The following NAT1 variants were observed in gnomAD, a reference collection of about 807,000 sequenced individuals.
The protein encoded by NAT1 is arylamine N-acetyltransferase 1.
For synonymous variants in NAT1, 144 were observed against 122.6 expected (o/e 1.17, Z -1.16); for missense variants, 400 against 339.2 (o/e 1.18, Z -1.41).
chr8:18,175,548 T>C (rs1002041910), intron 2 of NAT1, among the ~76,000 whole-genome samples: 2 of 152,148 alleles, frequency 1.3e-5, no homozygotes, highest in Non-Finnish European at 2.9e-5. Flanking sequence ...CAAAAGTTCC[T>C]TCTTTTTCAA....
chr8:18,187,565 C>A (rs35495327), intron 2 of NAT1, among the ~76,000 whole-genome samples: 43,774 of 151,908 alleles, frequency 0.29, 6,761 homozygotes, highest in South Asian at 0.39. Flanking sequence ...AACGTGGATG[C>A]AACTGGAGAC....
intron 1 of NAT1, among the ~76,000 whole-genome samples, chr8:18,213,950 A>T (rs1804368421): frequency 6.6e-6 from 1 of 151,668 alleles, no homozygotes; most frequent in South Asian, 2.1e-4. Flanking sequence ...AGTAGCTGGG[A>T]CTACAGGCAC....
chr8:18,193,553 G>T (rs1312022960), intron 2 of NAT1, among the ~76,000 whole-genome samples: 1 of 144,226 alleles, frequency 6.9e-6, no homozygotes, highest in South Asian at 2.2e-4. Context: ...ACAGAACCAG[G>T]TCCTTAAAGA....
chr8:18,211,179 T>A (rs891145179), intron 1 of NAT1: 1 of 151,998 alleles, frequency 6.6e-6, no homozygotes, highest in African/African-American at 2.4e-5. Context: ...AAAATTTAAC[T>A]CCTTCACCGT....
chr8:18,181,970 G>A (rs1213401593), intron 2 of NAT1, among the ~76,000 whole-genome samples: 1 of 152,086 alleles, frequency 6.6e-6, no homozygotes, highest in African/African-American at 2.4e-5. Context: ...CACCGTGGCA[G>A]GCCTGACTCT....
intron 2 of NAT1, among the ~76,000 whole-genome samples, chr8:18,192,256 C>T (rs1277748525): frequency 1.7e-4 from 26 of 152,160 alleles, no homozygotes; most frequent in Non-Finnish European, 5.9e-5. Context: ...TCATCACTGG[C>T]CATCACAGAA....
chr8:18,186,105 C>T (rs1474476389), intron 2 of NAT1, among the ~76,000 whole-genome samples: 4 of 152,068 alleles, frequency 2.6e-5, no homozygotes, highest in Non-Finnish European at 4.4e-5. Flanking sequence ...AAGTTTTCTA[C>T]ATATGTTCAT....
intron 2 of NAT1, among the ~76,000 whole-genome samples, chr8:18,179,615 C>G (rs1262265341): frequency 6.6e-6 from 1 of 152,138 alleles, no homozygotes; most frequent in Non-Finnish European, 1.5e-5. Flanking sequence ...CTGGAGTCTG[C>G]AGACCCCAGG....
chr8:18,171,913 A>T (rs1802110904), intron 2 of NAT1, among the ~76,000 whole-genome samples: 1 of 152,208 alleles, frequency 6.6e-6, no homozygotes, highest in Non-Finnish European at 1.5e-5. Flanking sequence ...GAGGTAGTTT[A>T]GGGAAAAATT....
At chr8:18,216,860 A>C in intron 1 of NAT1, 1 of 1,477,114 alleles carries the variant, frequency 6.8e-7, no homozygotes. Flanking sequence ...AAGAACTCAT[A>C]ATTATTTCTT....
At chr8:18,205,796 G>A (rs7837616), upstream of NAT1, among the ~76,000 whole-genome samples, 346 of 152,316 alleles carry the variant, frequency 2.3e-3, 1 homozygote, top group African/African-American at 7.7e-3. Context: ...TAGGTATAGT[G>A]TGCCAGTGCA....
intron 2 of NAT1, among the ~76,000 whole-genome samples, chr8:18,192,700 T>C (rs1393934970): frequency 1.3e-5 from 2 of 152,026 alleles, no homozygotes; most frequent in South Asian, 2.1e-4. Context: ...GGGACATGGA[T>C]GAAATTGGAA....
intron 1 of NAT1, among the ~76,000 whole-genome samples, chr8:18,211,683 T>C (rs1198442375): frequency 1.3e-5 from 2 of 152,204 alleles, no homozygotes; most frequent in Non-Finnish European, 2.9e-5. Flanking sequence ...GTGCGGCTAG[T>C]CCAGCAACCC....
chr8:18,201,390 G>A (rs1314745614), intron 2 of NAT1, among the ~76,000 whole-genome samples: 1 of 152,118 alleles, frequency 6.6e-6, no homozygotes, highest in African/African-American at 2.4e-5. Flanking sequence ...CGGAAGGGAA[G>A]AGAAGACCCT....
chr8:18,172,228 T>G (rs1301446586), intron 2 of NAT1, among the ~76,000 whole-genome samples: 1 of 152,152 alleles, frequency 6.6e-6, no homozygotes, highest in East Asian at 1.9e-4. Context: ...AAGAAGAGAA[T>G]AGCAGGCAGT....
Position 18,179,203 on chromosome 8 carries a change from T to C in NAT1, n.92+8464T>C, listed in dbSNP as rs28383674. On this transcript the variant is annotated intron_variant and non_coding_transcript_variant, in intron 2 of 4. Coordinates refer to the NAT1 transcript ENST00000517441. ...ATTGGGAAAATCTCCATGGTGGGGA[T>C]TGTGTCTTAGTCGTTTGGCACATCC... Among the ~76,000 whole-genome samples the C allele has an allele frequency of 2.9e-3, 444 of 152,232 alleles. 2 individuals are homozygous for C. The highest frequency in any genetic ancestry group is 4.8e-3 in the South Asian group (23 of 4,818).
chr8:18,191,958 G>A (rs1183187944), intron 2 of NAT1, among the ~76,000 whole-genome samples: 1 of 152,042 alleles, frequency 6.6e-6, no homozygotes, highest in Non-Finnish European at 1.5e-5. Flanking sequence ...AACACAAAAA[G>A]CAATGGCAAC....
At chr8:18,195,876 C>G (rs1252522476) in intron 2 of NAT1, among the ~76,000 whole-genome samples, 1 of 151,670 alleles carries the variant, frequency 6.6e-6, no homozygotes, top group Non-Finnish European at 1.5e-5. Flanking sequence ...CAGTTATACA[C>G]ACACACACAT....
At chr8:18,211,372 A>G (rs1804086199) in intron 1 of NAT1, 1 of 152,162 alleles carries the variant, frequency 6.6e-6, no homozygotes, top group Admixed American at 6.5e-5. Context: ...CCTAATTAAG[A>G]AACAAACAAA....
Sources: allele counts gnomAD v4.1 joint callset (sites outside exome capture counted in the v4.1 genomes callset), GRCh38; gene constraint gnomAD v4.1.1; transcripts MANE v1.5; gene names NCBI Gene and HGNC (gene_info 2026-07-23, HGNC 2026-07-21).